The following TRAF6 variants were observed in gnomAD, a reference collection of about 807,000 sequenced individuals.
TRAF6 encodes the protein TNF receptor-associated factor 6.
Under a neutral mutation model 48.4 loss-of-function variants are expected in TRAF6, and 10 were observed. The observed-to-expected ratio is 0.21, with a 90% confidence interval of 0.13 to 0.35. TRAF6 has a LOEUF of 0.35. Ranked by LOEUF, TRAF6 falls within the 10% of genes least tolerant of loss-of-function variation. The pLI, the probability that TRAF6 is intolerant of heterozygous loss-of-function variation, is 1.00. For synonymous variants in TRAF6, 186 were observed against 219.6 expected, an observed-to-expected ratio of 0.85 and a Z score of 1.35; for missense variants, 397 against 661.0, an observed-to-expected ratio of 0.60 and a Z score of 4.38.
chr11:36,509,012 A>G (rs1859854478), intron 1 of TRAF6, among the ~76,000 whole-genome samples: 1 of 152,196 alleles, frequency 6.6e-6, no homozygotes, highest in Non-Finnish European at 1.5e-5. Flanking sequence ...ACTCCTTCCT[A>G]GAGTCACAAA....
rs184491034 is a variant in TRAF6 at position 36,485,617 on chromosome 11, T to C, written c.*4221A>G. Among the ~76,000 whole-genome samples, 8 of 152,240 alleles carry C rather than the reference T, an allele frequency of 5.3e-5. No individual in the cohort carries two copies. The East Asian group carries it at 1.2e-3, about 22-fold the overall frequency. ...ACATCTCTCATTTCCTAAAATGCTT[T>C]TCCCACCTAGAATTATTTTTCAGGA... On this transcript the variant is annotated 3_prime_UTR_variant, in exon 7 of 7. Coordinates refer to ENST00000526995, the MANE Select transcript of TRAF6 (RefSeq NM_004620.4).
chr11:36,504,869 T>C (rs1380571779), intron 1 of TRAF6, among the ~76,000 whole-genome samples: 1 of 152,226 alleles, frequency 6.6e-6, no homozygotes, highest in African/African-American at 2.4e-5. Context: ...ATTAATCTTC[T>C]TGAACATCTC....
rs116073934 is a variant in TRAF6, at chr11:36,489,411, C to T, written c.*427G>A. ...TCTTCTCGAGGGCACTAGCACAAGG[C>T]GGTAGTGATTTTCACTTTTAATATA... On this transcript the variant is annotated 3_prime_UTR_variant, in exon 7 of 7. Coordinates refer to ENST00000526995, the MANE Select transcript of TRAF6 (RefSeq NM_004620.4). The T allele has an allele frequency of 1.5e-4, 24 of 160,894 alleles. No individual in the cohort carries two copies. The highest frequency in any genetic ancestry group is 3.0e-4 in the Non-Finnish European group (22 of 72,978). The allele number at this position is 160,894 out of a possible 1,614,324, so 10.0% of individuals were successfully genotyped here.
intron 2 of TRAF6, among the ~76,000 whole-genome samples, 162 bp from the exon 3 acceptor site, chr11:36,498,802 A>T (rs1478914983): frequency 6.6e-6 from 1 of 152,232 alleles, no homozygotes; most frequent in Non-Finnish European, 1.5e-5. Flanking sequence ...CCTTTTATGG[A>T]GAGCTTACAA....
At chr11:36,501,601 T>A in intron 1 of TRAF6, 64 bp from the exon 2 acceptor site, 4 of 1,205,220 alleles carry the variant, frequency 3.3e-6, no homozygotes, top group Non-Finnish European at 4.6e-6. Flanking sequence ...CCCACACATA[T>A]ATATCATAGC....
chr11:36,489,902 C>T lies in TRAF6; in HGVS notation c.1505G>A (p.Arg502His), dbSNP rs756987677. 5 of 1,614,158 alleles carry T rather than the reference C, an allele frequency of 3.1e-6. No homozygotes were observed. Among genetic ancestry groups the T allele is most frequent in the Non-Finnish European group, 3.4e-6 (4 of 1,180,026 alleles). Reference sequence around the variant, plus strand: ...CCTCCGAAGGCTACCCATGTCAAAGCGGGTGGAGACCTCACAGCGCACTAA... The same window carrying T: ...CCTCCGAAGGCTACCCATGTCAAAGTGGGTGGAGACCTCACAGCGCACTAA... ...TLLVRCEVST[R>H]FDMGSLRREG... Residue 502 changes from arginine (R) to histidine (H), a missense_variant, in exon 7 of 7, where the codon CGC (arginine) becomes CAC (histidine). Around this residue, in one of 4 missense-constraint regions of TRAF6, gnomAD observed 74 missense variants for 198.9 expected, o/e 0.37. Transcript: ENST00000526995.
chr11:36,501,096 G>T (rs760224299), intron 2 of TRAF6, 124 bp downstream of exon 2: 42 of 974,666 alleles, frequency 4.3e-5, no homozygotes, highest in Non-Finnish European at 5.6e-5. Context: ...TCTGTCCATT[G>T]TTCTTTTTTC....
chr11:36,507,729 A>G (rs1240942447), intron 1 of TRAF6, among the ~76,000 whole-genome samples: 1 of 133,536 alleles, frequency 7.5e-6, no homozygotes, highest in Non-Finnish European at 1.6e-5. Context: ...GCGTGTATAT[A>G]TGTATATATA....
chr11:36,494,194 G>A (rs1389572751), intron 5 of TRAF6, among the ~76,000 whole-genome samples: 3 of 152,012 alleles, frequency 2.0e-5, no homozygotes, highest in African/African-American at 4.8e-5. Flanking sequence ...ACAAGACCCC[G>A]TTTCTACAAA....
Position 36,492,185 on chromosome 11 carries a change from C to T in TRAF6, c.756+366G>A, listed in dbSNP as rs1018660145. ...TTCCAACAGCTCAGGTACTAGTACCCCCACCTCCACCTCAAATCATCTACA... is the reference window on the plus strand; with the variant it reads ...TTCCAACAGCTCAGGTACTAGTACCTCCACCTCCACCTCAAATCATCTACA... On this transcript the variant is annotated intron_variant, in intron 6 of 6. Coordinates refer to ENST00000526995, the MANE Select transcript of TRAF6 (RefSeq NM_004620.4). Among the ~76,000 whole-genome samples the T allele has an allele frequency of 2.0e-5, 3 of 152,294 alleles. No individual in the cohort carries two copies. In the East Asian group the frequency reaches 5.8e-4, roughly 29 times the overall value.
Position 36,490,995 on chromosome 11 carries a change from C to T in TRAF6, c.757-345G>A, listed in dbSNP as rs937792497. Among the ~76,000 whole-genome samples the T allele has an allele frequency of 4.6e-5, 7 of 152,286 alleles. No homozygotes were observed. The South Asian group carries it at 8.3e-4, about 18-fold the overall frequency. On this transcript the variant is annotated intron_variant, in intron 6 of 6. Transcript: ENST00000526995. The surrounding 1 kb of genome is among the most constrained non-coding windows in gnomAD (Gnocchi z 6.4). The stretch of plus-strand genomic sequence containing the variant: ...GCTCTAAATGTTACCTGACCTGTTG[C>T]GACACCCCAGAGATTTTACTCAGTG...
At chr11:36,501,628 CTTT>C in intron 1 of TRAF6, 91 bp from the exon 2 acceptor site, 1 of 990,468 alleles carries the variant, frequency 1.0e-6, no homozygotes, top group Non-Finnish European at 1.4e-6. Context: ...ATACAAGTCA[CTTT>C]TTAATTCATG....
chr11:36,485,590 C>G lies in TRAF6; in HGVS notation c.*4248G>C, dbSNP rs1859470923. Among the ~76,000 whole-genome samples the G allele has an allele frequency of 6.6e-6, 1 of 152,060 alleles. No homozygotes were observed. The highest frequency in any genetic ancestry group is 6.5e-5 in the Admixed American group (1 of 15,278). ...GCACTCTGAGAGAAGAAAAGCAGCA[C>G]CACATCTCTCATTTCCTAAAATGCT... is the stretch of plus-strand genomic sequence containing the variant. On this transcript the variant is annotated 3_prime_UTR_variant, in exon 7 of 7. Coordinates refer to ENST00000526995, the MANE Select transcript of TRAF6 (RefSeq NM_004620.4).
rs143987108 is a variant in TRAF6 at position 36,485,582 on chromosome 11, A to C, written c.*4256T>G. ...CTGAGAAAGCACTCTGAGAGAAGAA[A>C]AGCAGCACCACATCTCTCATTTCCT... On this transcript the variant is annotated 3_prime_UTR_variant, in exon 7 of 7. Coordinates refer to ENST00000526995, the MANE Select transcript of TRAF6 (RefSeq NM_004620.4). 0.023 allele frequency among the ~76,000 whole-genome samples: 400 copies of C among 17,582 alleles called. 9 individuals carry two copies. The East Asian group carries it at 0.25, about 11-fold the overall frequency. 11.5% of individuals were successfully genotyped at this position (17,582 alleles called of 152,430 possible).
intron 3 of TRAF6, among the ~76,000 whole-genome samples, chr11:36,498,010 G>C (rs567969719): frequency 6.6e-6 from 1 of 151,486 alleles, no homozygotes; most frequent in East Asian, 2.0e-4. Flanking sequence ...TTGGCCTCCT[G>C]AGTAGCTGGG....
Position 36,501,285 on chromosome 11 carries a change from T to C in TRAF6, c.231A>G (p.Leu77=). The C allele has an allele frequency of 6.2e-7, 1 of 1,613,728 alleles. No individual in the cohort carries two copies. ...CGCATGGCGTTTGCACTGCTTCTCGTAATGCCATCAAGCAGATGGGGCATT... is the reference window on the plus strand; with the variant it reads ...CGCATGGCGTTTGCACTGCTTCTCGCAATGCCATCAAGCAGATGGGGCATT... The part of the protein sequence containing the change: ...KYECPICLMA[L]REAVQTPCGH... The change falls in exon 2 of 7, where the codon TTA becomes TTG. Residue 77 remains leucine, a synonymous_variant. Coordinates refer to ENST00000526995, the MANE Select transcript of TRAF6 (RefSeq NM_004620.4).
chr11:36,505,095 G>A (rs1162179457), intron 1 of TRAF6, among the ~76,000 whole-genome samples: 1 of 152,228 alleles, frequency 6.6e-6, no homozygotes, highest in Non-Finnish European at 1.5e-5. Context: ...ATTTTCAAAA[G>A]TGTAAATGAG....
At chr11:36,500,278 G>T (rs961968945) in intron 2 of TRAF6, among the ~76,000 whole-genome samples, 10 of 152,168 alleles carry the variant, frequency 6.6e-5, no homozygotes, top group Admixed American at 6.5e-4. Context: ...ATACGGTGGT[G>T]AGGGGACCTA....
In TRAF6 at chr11:36,490,302, C is replaced by T. The variant is rs746111041; in HGVS notation, c.1105G>A (p.Glu369Lys). The change falls in exon 7 of 7, where the codon GAG (glutamate) becomes AAG (lysine). Residue 369 changes from glutamate (E) to lysine (K), a missense_variant. By Grantham distance (56) the Glu-to-Lys change is moderately conservative. Coordinates refer to ENST00000526995, the MANE Select transcript of TRAF6 (RefSeq NM_004620.4). This position sits in a 1 kb window ranked among gnomAD's most constrained non-coding sequence, Gnocchi z 6.4. ...NFGMHLKCQE[E>K]EKPVVIHSPG... The stretch of plus-strand genomic sequence containing the variant: ...CTATGAATCACAACAGGTTTCTCCT[C>T]TTCTTGACATTTCAAATGCATTCCA... 2 of 1,614,228 alleles carry T rather than the reference C, an allele frequency of 1.2e-6. No individual in the cohort carries two copies. Among genetic ancestry groups the T allele is most frequent in the Admixed American group, 1.7e-5 (1 of 60,026 alleles).
Sources: allele counts gnomAD v4.1 joint callset (sites outside exome capture counted in the v4.1 genomes callset), GRCh38; gene constraint gnomAD v4.1.1; regional missense constraint gnomAD v4.1.1; non-coding constraint Gnocchi (gnomAD v3.1); transcripts MANE v1.5; gene names NCBI Gene and HGNC (gene_info 2026-07-23, HGNC 2026-07-21).